The following MARCHF3 variants were observed in gnomAD, a reference collection of about 807,000 sequenced individuals.
MARCHF3 encodes E3 ubiquitin-protein ligase MARCHF3.
A neutral mutation model predicts 24.2 loss-of-function variants in MARCHF3; 13 were observed. The ratio of observed to expected loss-of-function variants is 0.54; its 90% CI spans 0.35 to 0.85. The LOEUF (loss-of-function observed/expected upper bound fraction) is 0.85, where lower values mean the gene tolerates loss of function less well. Among genes scored for constraint, MARCHF3 ranks in the 40% least tolerant of loss-of-function variants. MARCHF3 has a pLI of 0.01. For missense variants in MARCHF3, 276 were observed against 325.0 expected, an observed-to-expected ratio of 0.85 and a Z score of 1.16; for synonymous variants, 144 against 137.3, an observed-to-expected ratio of 1.05 and a Z score of -0.34.
intron 3 of MARCHF3, among the ~76,000 whole-genome samples, chr5:126,904,758 G>A (rs1377723398): frequency 9.2e-5 from 14 of 151,660 alleles, no homozygotes; most frequent in Non-Finnish European, 1.2e-4. Flanking sequence ...CTCCCATTCT[G>A]TAGGTTGCCT....
chr5:126,910,147 C>T (rs567497752), intron 3 of MARCHF3, among the ~76,000 whole-genome samples: 1 of 152,324 alleles, frequency 6.6e-6, no homozygotes, highest in South Asian at 2.1e-4. Flanking sequence ...GAAGGCCTTT[C>T]CTCCAGATTC....
intron 3 of MARCHF3, among the ~76,000 whole-genome samples, chr5:126,887,148 A>G (rs771043525): frequency 3.3e-5 from 5 of 152,300 alleles, no homozygotes; most frequent in South Asian, 4.1e-4. Flanking sequence ...CATCACCCTT[A>G]GCCTAACACC....
intron 1 of MARCHF3, among the ~76,000 whole-genome samples, chr5:126,995,896 C>T (rs777897047): frequency 6.6e-6 from 1 of 152,196 alleles, no homozygotes; most frequent in Non-Finnish European, 1.5e-5. Flanking sequence ...GTGTTATAAA[C>T]ACAGGCATAA....
At chr5:126,977,176 T>A (rs1751230990) in intron 1 of MARCHF3, among the ~76,000 whole-genome samples, 1 of 152,158 alleles carries the variant, frequency 6.6e-6, no homozygotes, top group African/African-American at 2.4e-5. Flanking sequence ...TCACATGAAG[T>A]CATGCTGCTG....
intron 1 of MARCHF3, among the ~76,000 whole-genome samples, chr5:127,018,067 A>G (rs1294101983): frequency 6.6e-6 from 1 of 152,212 alleles, no homozygotes; most frequent in Non-Finnish European, 1.5e-5. Flanking sequence ...TAGACAAATG[A>G]GCAAATTACA....
At chr5:126,879,897 G>A (rs1362822505) in intron 3 of MARCHF3, among the ~76,000 whole-genome samples, 2 of 152,138 alleles carry the variant, frequency 1.3e-5, no homozygotes, top group African/African-American at 4.8e-5. Flanking sequence ...AGCATTGACT[G>A]TCTGCTGATG....
At chr5:127,014,081 C>T (rs1752556553) in intron 1 of MARCHF3, among the ~76,000 whole-genome samples, 1 of 151,934 alleles carries the variant, frequency 6.6e-6, no homozygotes, top group South Asian at 2.1e-4. Context: ...TTCTTCTGCA[C>T]AGCAAAGAAA....
At position 126,869,582 on chromosome 5, in the gene MARCHF3, C is replaced by CTTTGTTTTTTTTTTT. The variant is rs1752893325; in HGVS notation, c.*1050_*1051insAAAAAAAAAAACAAA. ...ATAAGTGCAGGGCTGCTAGGACAGG[C>CTTTGTTTTTTTTTTT]TTTTTTTTTTTTTTTTTTTTTTGCC... On this transcript the variant is annotated 3_prime_UTR_variant, in exon 5 of 5. Coordinates refer to ENST00000308660, the MANE Select transcript of MARCHF3 (RefSeq NM_178450.5). 1 of 79,832 alleles carries CTTTGTTTTTTTTTTT rather than the reference C, an allele frequency of 1.3e-5. No individual in the cohort carries two copies. Among genetic ancestry groups the CTTTGTTTTTTTTTTT allele is most frequent in the East Asian group, 4.5e-4 (1 of 2,204 alleles). The allele number at this position is 79,832 out of a possible 1,614,324, so 4.9% of individuals were successfully genotyped here.
intron 1 of MARCHF3, among the ~76,000 whole-genome samples, chr5:126,933,219 C>T (rs1452145163): frequency 6.6e-6 from 1 of 152,162 alleles, no homozygotes; most frequent in Admixed American, 6.5e-5. Flanking sequence ...TTATTAAGTT[C>T]TACTTTCAAG....
chr5:126,979,206 G>A (rs926733981), intron 1 of MARCHF3, among the ~76,000 whole-genome samples: 21 of 152,200 alleles, frequency 1.4e-4, no homozygotes, highest in African/African-American at 5.1e-4. Context: ...TGTTAGCCCA[G>A]AATTTACTTC....
Position 126,922,552 on chromosome 5 carries a change from A to AT in MARCHF3, c.-56-4326dup, listed in dbSNP as rs369285219. Among the ~76,000 whole-genome samples the AT allele has an allele frequency of 4.1e-4, 45 of 111,080 alleles. 2 individuals carry two copies. In the South Asian group the frequency reaches 0.01, roughly 25 times the overall value. 72.9% of individuals were successfully genotyped at this position (111,080 alleles called of 152,430 possible). ...TATTTATTTATTTATTTATTTATTT[A>AT]TTATTTATTTTTGAGTCGGAGTCTC... is the stretch of plus-strand genomic sequence containing the variant. On this transcript the variant is annotated intron_variant, in intron 1 of 4. Coordinates refer to ENST00000308660, the MANE Select transcript of MARCHF3 (RefSeq NM_178450.5).
intron 1 of MARCHF3, among the ~76,000 whole-genome samples, chr5:126,946,761 G>GGGGGGTGTGTGTGT (rs1186024076): frequency 7.4e-6 from 1 of 135,946 alleles, no homozygotes; most frequent in East Asian, 2.2e-4. Flanking sequence ...TGTAAGTAGG[G>GGGGGGTGTGTGTGT]GTGTGTGTGT....
intron 1 of MARCHF3, among the ~76,000 whole-genome samples, chr5:126,977,488 C>T (rs975199714): frequency 9.2e-5 from 14 of 152,086 alleles, no homozygotes; most frequent in Admixed American, 6.6e-5. Flanking sequence ...ATCAAGGAAT[C>T]GGCAAACATA....
chr5:127,016,732 C>T (rs1752647657), intron 1 of MARCHF3, among the ~76,000 whole-genome samples: 1 of 152,118 alleles, frequency 6.6e-6, no homozygotes, highest in Non-Finnish European at 1.5e-5. Context: ...CTAGAAATAC[C>T]ATTTGACCCA....
At chr5:126,877,212 GAC>G (rs1428947930) in intron 4 of MARCHF3, among the ~76,000 whole-genome samples, 1 of 152,222 alleles carries the variant, frequency 6.6e-6, no homozygotes, top group Non-Finnish European at 1.5e-5. Flanking sequence ...GGGTCTGGGA[GAC>G]ACAGAAAGGG....
At chr5:126,985,391 A>C (rs2126838802) in intron 1 of MARCHF3, among the ~76,000 whole-genome samples, 1 of 152,072 alleles carries the variant, frequency 6.6e-6, no homozygotes, top group African/African-American at 2.4e-5. Flanking sequence ...GCTCTTAGTG[A>C]ATCATATGAT....
chr5:127,001,018 T>C (rs1752111842), intron 1 of MARCHF3, among the ~76,000 whole-genome samples: 1 of 152,090 alleles, frequency 6.6e-6, no homozygotes, highest in Non-Finnish European at 1.5e-5. Flanking sequence ...GGTGGGCAGA[T>C]CATGAGGTCA....
intron 1 of MARCHF3, among the ~76,000 whole-genome samples, chr5:126,924,792 T>A (rs1249335949): frequency 6.6e-6 from 1 of 152,246 alleles, no homozygotes; most frequent in Non-Finnish European, 1.5e-5. Context: ...TTCAAAAACA[T>A]GCCAAGGAGG....
At chr5:126,895,961 G>A (rs545425386) in intron 3 of MARCHF3, among the ~76,000 whole-genome samples, 7 of 152,252 alleles carry the variant, frequency 4.6e-5, no homozygotes, top group South Asian at 2.1e-4. Context: ...AGCAATCAGC[G>A]AGAATCCGTG....
Sources: allele counts gnomAD v4.1 joint callset (sites outside exome capture counted in the v4.1 genomes callset), GRCh38; gene constraint gnomAD v4.1.1; transcripts MANE v1.5; gene names NCBI Gene and HGNC (gene_info 2026-07-23, HGNC 2026-07-21).